GCNT2: variants seen among roughly 807,000 people sequenced by gnomAD.
GCNT2 encodes the protein glucosaminyl (N-acetyl) transferase 2 (I blood group), also known as N-acetyllactosaminide beta-1,6-N-acetylglucosaminyl-transferase.
In GCNT2, 34 loss-of-function variants were observed where a neutral mutation model predicts 34.2. The ratio of observed to expected loss-of-function variants is 1.00; its 90% CI spans 0.76 to 1.32. GCNT2 has a LOEUF of 1.32. Among genes scored for constraint, GCNT2 ranks in the 40% most tolerant of loss-of-function variants. The pLI is 0.00. For missense variants in GCNT2, 584 were observed against 489.4 expected (o/e 1.19, Z -1.82); for synonymous variants, 212 against 188.0 (o/e 1.13, Z -1.04).
At chr6:10,538,408 CAAAAAAAAAAAAA>C (rs70991023) in intron 3 of GCNT2, among the ~76,000 whole-genome samples, 2 of 40,182 alleles carry the variant, frequency 5.0e-5, no homozygotes, top group Admixed American at 4.2e-4. Context: ...GACTCCGTCT[CAAAAAAAAAAAAA>C]AAAAAAAAAA....
chr6:10,619,255 C>CA (rs1765926783), intron 3 of GCNT2: 1 of 152,114 alleles, frequency 6.6e-6, no homozygotes. Flanking sequence ...TACTCAAACT[C>CA]ACTGCAGCCT....
intron 3 of GCNT2, chr6:10,581,649 A>G: frequency 5.1e-6 from 3 of 588,036 alleles, no homozygotes; most frequent in Non-Finnish European, 6.4e-6. Flanking sequence ...CTTTGGCTAC[A>G]TCATGTTGAA....
At position 10,563,166 on chromosome 6, in the gene GCNT2, A is replaced by G. The variant is rs148198163; in HGVS notation, c.925+33330A>G. Among the ~76,000 whole-genome samples the G allele has an allele frequency of 3.0e-3, 459 of 152,196 alleles. 1 individual carries two copies. The highest frequency in any genetic ancestry group is 9.1e-3 in the African/African-American group (377 of 41,510). ...TGAGACTCGGTCTCCAAGAAAATAA[A>G]CAAATAAGCACATCCCTCCTGTGAT... On this transcript the variant is annotated intron_variant, in intron 3 of 4. Transcript: ENST00000495262.
chr6:10,543,663 C>T (rs957658669), intron 3 of GCNT2, among the ~76,000 whole-genome samples: 2 of 152,064 alleles, frequency 1.3e-5, no homozygotes, highest in Non-Finnish European at 2.9e-5. Context: ...GTGGTATCCT[C>T]TTATAGTTCT....
chr6:10,556,286 G>A (rs1762698275), intron 3 of GCNT2: 2 of 1,513,682 alleles, frequency 1.3e-6, no homozygotes, highest in Admixed American at 2.1e-5. Context: ...GGATGAAACG[G>A]AATCGATTCC....
intron 3 of GCNT2, among the ~76,000 whole-genome samples, chr6:10,562,844 G>GCC (rs1490505701): frequency 6.6e-6 from 1 of 152,034 alleles, no homozygotes; most frequent in Non-Finnish European, 1.5e-5. Flanking sequence ...CAAAGCACAG[G>GCC]CCCACTGCAG....
chr6:10,521,963 G>A (rs939902259), intron 1 of GCNT2, among the ~76,000 whole-genome samples: 2 of 151,314 alleles, frequency 1.3e-5, no homozygotes, highest in East Asian at 3.9e-4. Context: ...ACGGTGGTGC[G>A]ATCTCAGCTT....
intron 3 of GCNT2, among the ~76,000 whole-genome samples, chr6:10,595,051 C>T (rs1484831472): frequency 6.6e-6 from 1 of 151,970 alleles, no homozygotes; most frequent in Non-Finnish European, 1.5e-5. Flanking sequence ...TACTATGTTG[C>T]CCAGACTGGG....
intron 3 of GCNT2, among the ~76,000 whole-genome samples, chr6:10,564,204 C>T (rs1440494674): frequency 1.3e-5 from 2 of 152,096 alleles, no homozygotes; most frequent in African/African-American, 2.4e-5. Context: ...CCAGTGGGTA[C>T]TTAAATCCAC....
At chr6:10,609,900 T>C (rs57438112) in intron 3 of GCNT2, among the ~76,000 whole-genome samples, 2 of 54,256 alleles carry the variant, frequency 3.7e-5, no homozygotes, top group Non-Finnish European at 1.4e-4. Context: ...TGCTTGTTTG[T>C]TGGAGGGTGA....
chr6:10,592,729 A>G (rs1033997159), intron 3 of GCNT2, among the ~76,000 whole-genome samples: 28 of 152,104 alleles, frequency 1.8e-4, no homozygotes, highest in African/African-American at 5.8e-4. Flanking sequence ...TTTTATTTTT[A>G]TTTGTTTGTT....
chr6:10,529,874 C>T, intron 3 of GCNT2, 38 bp downstream of exon 3: 1 of 1,439,972 alleles, frequency 6.9e-7, no homozygotes, highest in Non-Finnish European at 9.8e-7. Context: ...TACGAATAAA[C>T]ACTGCATGGT....
intron 3 of GCNT2, among the ~76,000 whole-genome samples, chr6:10,568,995 ATC>A (rs1343938861): frequency 2.0e-5 from 3 of 152,006 alleles, no homozygotes; most frequent in Non-Finnish European, 4.4e-5. Context: ...TCATTCTAGA[ATC>A]TCTGCATTAT....
chr6:10,567,149 T>C (rs1024487913), intron 3 of GCNT2, among the ~76,000 whole-genome samples: 1 of 151,844 alleles, frequency 6.6e-6, no homozygotes, highest in African/African-American at 2.4e-5. Flanking sequence ...TGAGACCACA[T>C]CTCAACAAAA....
intron 3 of GCNT2, among the ~76,000 whole-genome samples, chr6:10,535,975 A>G (rs189648440): frequency 3.3e-5 from 5 of 151,992 alleles, no homozygotes; most frequent in Admixed American, 3.3e-4. Flanking sequence ...TTGTATTTCT[A>G]TTTCCTGTAG....
chr6:10,537,127 A>AT (rs1309021247), intron 3 of GCNT2, among the ~76,000 whole-genome samples: 1 of 152,184 alleles, frequency 6.6e-6, no homozygotes, highest in Non-Finnish European at 1.5e-5. Flanking sequence ...GACAGACTTC[A>AT]TTTTTTAAAT....
At chr6:10,582,542 T>C (rs1169635828) in intron 3 of GCNT2, among the ~76,000 whole-genome samples, 1 of 117,850 alleles carries the variant, frequency 8.5e-6, no homozygotes, top group South Asian at 2.2e-4. Context: ...ATATTATATA[T>C]CATGTATAAT....
At chr6:10,591,711 T>G (rs969183899) in intron 3 of GCNT2, among the ~76,000 whole-genome samples, 2 of 152,240 alleles carry the variant, frequency 1.3e-5, no homozygotes, top group Non-Finnish European at 2.9e-5. Context: ...ATTCATGCAC[T>G]GGGCTTCTTC....
chr6:10,573,327 TA>T, intron 3 of GCNT2: 2 of 971,990 alleles, frequency 2.1e-6, no homozygotes, highest in Non-Finnish European at 2.4e-6. Flanking sequence ...TAGTCAAAGA[TA>T]AAGTTTTCAT....
Sources: allele counts gnomAD v4.1 joint callset (sites outside exome capture counted in the v4.1 genomes callset), GRCh38; gene constraint gnomAD v4.1.1; transcripts MANE v1.5; gene names NCBI Gene and HGNC (gene_info 2026-07-23, HGNC 2026-07-21).